TMC4: variants seen among roughly 807,000 people sequenced by gnomAD.
TMC4 encodes the protein voltage-gated chloride channel TMC4.
TMC4 carries 70 observed loss-of-function variants against 82.0 expected under a neutral mutation model. The observed-to-expected ratio is 0.85, with a 90% CI of 0.70 to 1.04. The LOEUF (loss-of-function observed/expected upper bound fraction) is 1.04. Among genes scored for constraint, TMC4 ranks in the 50% least tolerant of loss-of-function variants. The probability of loss-of-function intolerance (pLI) is 0.00; values close to 1 mark genes in which losing one functional copy is unlikely to be tolerated. For synonymous variants in TMC4, 446 were observed against 406.0 expected (o/e 1.10, Z -1.18); for missense variants, 879 against 899.0 (o/e 0.98, Z 0.28).
In TMC4 at chr19:54,169,540, GGGCT is replaced by G; in HGVS notation, c.410_413del (p.Gln137ProfsTer6). The stretch of plus-strand genomic sequence containing the variant: ...CGATCCTCTTCAGTGTCCACGCCCA[GGGCT>G]GCAGGCTTCGCAAGCCTTCCTTTGT... On this transcript the variant is annotated frameshift_variant, in exon 3 of 15. Transcript: ENST00000619895. LOFTEE classifies it high-confidence loss of function. 1 of 1,613,542 alleles carries G rather than the reference GGGCT, an allele frequency of 6.2e-7. No homozygotes were observed. Among genetic ancestry groups the G allele is most frequent in the Non-Finnish European group, 8.5e-7 (1 of 1,179,984 alleles).
chr19:54,170,611 GTTTTATTTT>G (rs1282479579), intron 2 of TMC4, among the ~76,000 whole-genome samples: 1 of 137,590 alleles, frequency 7.3e-6, no homozygotes, highest in Non-Finnish European at 1.6e-5. Flanking sequence ...TCCTGTGTTT[GTTTTATTTT>G]ATTTTATTTT....
In TMC4 at chr19:54,168,465, TGAA is replaced by T; in HGVS notation, c.655_657del (p.Phe219del). On this transcript the variant is annotated inframe_deletion, in exon 4 of 15. Transcript: ENST00000619895. ...GCACCTACCTCACCCGAGAGCAAGT[TGAA>T]GAGCTGGGTGGCAAAGGTGACCAGG... 2 of 1,544,690 alleles carry T rather than the reference TGAA, an allele frequency of 1.3e-6. No individual in the cohort carries two copies. Among genetic ancestry groups the T allele is most frequent in the South Asian group, 1.2e-5 (1 of 83,550 alleles).
At chr19:54,162,389 T>TC in intron 10 of TMC4, 104 bp from the exon 11 acceptor site, 1 of 253,944 alleles carries the variant, frequency 3.9e-6, no homozygotes, top group South Asian at 4.1e-5. Context: ...GTATTGGTGG[T>TC]GGGGGGGGGG....
chr19:54,166,470 G>T (rs992537836), intron 5 of TMC4, among the ~76,000 whole-genome samples: 1 of 152,112 alleles, frequency 6.6e-6, no homozygotes, highest in Admixed American at 6.6e-5. Flanking sequence ...CACCTTCACT[G>T]CCCTGGCCCC....
intron 5 of TMC4, among the ~76,000 whole-genome samples, chr19:54,167,640 T>G (rs12975696): frequency 0.34 from 50,358 of 146,930 alleles, 9,963 homozygotes; most frequent in African/African-American, 0.53. Flanking sequence ...ATGGAGTTTC[T>G]CTCTGTCGCC....
In TMC4 at chr19:54,163,711, G is replaced by C; in HGVS notation, c.1277+13C>G. The C allele has an allele frequency of 1.2e-6, 2 of 1,613,682 alleles. No homozygotes were observed. Among genetic ancestry groups the C allele is most frequent in the Non-Finnish European group, 1.7e-6 (2 of 1,179,818 alleles). On this transcript the variant is annotated intron_variant, in intron 8 of 14. Transcript: ENST00000619895. Reference sequence around the variant, plus strand: ...CCCTTCATCATTCCCAGCCATCCCCGTGAGGCTGGAACCTGAGCAGGATAA... The same window carrying C: ...CCCTTCATCATTCCCAGCCATCCCCCTGAGGCTGGAACCTGAGCAGGATAA...
intron 3 of TMC4, 90 bp from the exon 4 acceptor site, chr19:54,168,770 C>CTTT: frequency 1.9e-6 from 1 of 521,916 alleles, no homozygotes; most frequent in Non-Finnish European, 3.0e-6. Context: ...GCCGCGCCTT[C>CTTT]CTTTCTTTCT....
At chr19:54,161,086 T>A in intron 12 of TMC4, 44 bp downstream of exon 12, 1 of 1,606,778 alleles carries the variant, frequency 6.2e-7, no homozygotes, top group Non-Finnish European at 8.5e-7. Context: ...GAACACTGAA[T>A]GGGGAGAGAG....
chr19:54,160,636 T>C (rs1346936468), intron 13 of TMC4, 91 bp from the exon 14 acceptor site: 38 of 1,582,354 alleles, frequency 2.4e-5, no homozygotes, highest in Non-Finnish European at 3.2e-5. Flanking sequence ...TGTGGACGCC[T>C]AAGCCCCTCC....
At chr19:54,167,855 G>T (rs1445281240) in intron 5 of TMC4, among the ~76,000 whole-genome samples, 1 of 151,790 alleles carries the variant, frequency 6.6e-6, no homozygotes, top group Non-Finnish European at 1.5e-5. Flanking sequence ...GAGGTCAGCA[G>T]TTCAAGACCA....
At chr19:54,165,621 T>G in intron 5 of TMC4, 55 bp from the exon 6 acceptor site, 2 of 1,558,174 alleles carry the variant, frequency 1.3e-6, no homozygotes, top group Non-Finnish European at 1.7e-6. Context: ...GAACGGGGGT[T>G]ATGGGGAGAC....
intron 6 of TMC4, 105 bp from the exon 7 acceptor site, chr19:54,164,706 C>G (rs955502915): frequency 1.4e-6 from 2 of 1,433,688 alleles, no homozygotes; most frequent in Admixed American, 1.9e-5. Context: ...TGAACTGATG[C>G]AGCCGTCTCC....
In TMC4 at chr19:54,162,190, T is replaced by G; in HGVS notation, c.1598A>C (p.Gln533Pro). ...AAAACTCCCCACCCAGACCACCGTC[T>G]GCGCGTAGATGAGCCCCAGCACCTC... ...PDEVLGLIYA[Q>P]TVVWVGSFFC... is the part of the protein sequence containing the mutation. The change falls in exon 11 of 15, where the codon CAG (glutamine) becomes CCG (proline). Residue 533 changes from glutamine (Q) to proline (P), a missense_variant. Transcript: ENST00000619895. 1 of 1,613,586 alleles carries G rather than the reference T, an allele frequency of 6.2e-7. No individual in the cohort carries two copies. The highest frequency in any genetic ancestry group is 8.5e-7 in the Non-Finnish European group (1 of 1,179,820).
intron 5 of TMC4, among the ~76,000 whole-genome samples, chr19:54,167,713 C>T (rs774137507): frequency 3.3e-5 from 5 of 151,056 alleles, no homozygotes; most frequent in African/African-American, 4.9e-5. Flanking sequence ...GGCCACCGCT[C>T]CTGGCCCAAA....
At chr19:54,162,585 TA>T in intron 10 of TMC4, 87 bp downstream of exon 10, 1 of 1,073,216 alleles carries the variant, frequency 9.3e-7, no homozygotes, top group Non-Finnish European at 1.4e-6. Flanking sequence ...GCGGGAATGG[TA>T]AAAAGGTGCG....
chr19:54,170,688 G>A (rs11084313), intron 2 of TMC4, among the ~76,000 whole-genome samples: 20,969 of 151,694 alleles, frequency 0.14, 1,509 homozygotes, highest in South Asian at 0.2. Context: ...GCTGGAGTGC[G>A]GTGGTGCAAT....
At chr19:54,164,663 C>A in intron 6 of TMC4, 62 bp from the exon 7 acceptor site, 1 of 1,596,598 alleles carries the variant, frequency 6.3e-7, no homozygotes, top group Non-Finnish European at 8.5e-7. Context: ...TCCCGGTTCC[C>A]CAGGTCTGGC....
intron 11 of TMC4, among the ~76,000 whole-genome samples, 172 bp downstream of exon 11, chr19:54,161,930 A>AT (rs1324795029): frequency 6.6e-6 from 1 of 151,970 alleles, no homozygotes. Flanking sequence ...CCTCAGACAT[A>AT]TAAGTCAGAA....
chr19:54,164,336 C>T (rs1196803230), intron 7 of TMC4, 98 bp downstream of exon 7: 7 of 1,438,376 alleles, frequency 4.9e-6, no homozygotes, highest in East Asian at 2.3e-5. Flanking sequence ...TACTTCCTCT[C>T]TAAGATCTCT....
Sources: allele counts gnomAD v4.1 joint callset (sites outside exome capture counted in the v4.1 genomes callset), GRCh38; gene constraint gnomAD v4.1.1; transcripts MANE v1.5; gene names NCBI Gene and HGNC (gene_info 2026-07-23, HGNC 2026-07-21).